The following PCDH11X variants were observed in gnomAD, a reference collection of about 807,000 sequenced individuals.
PCDH11X encodes the protein protocadherin-11 X-linked.
In PCDH11X, 18 loss-of-function variants were observed where a neutral mutation model predicts 53.3. The ratio of observed to expected loss-of-function variants is 0.34; its 90% CI spans 0.23 to 0.50. The LOEUF is 0.50. Ranked by LOEUF, PCDH11X falls within the 20% of genes least tolerant of loss-of-function variation. The pLI is 0.98. For synonymous variants in PCDH11X, 279 were observed against 393.3 expected, an observed-to-expected ratio of 0.71 and a Z score of 3.44; for missense variants, 570 against 1,032.4, an observed-to-expected ratio of 0.55 and a Z score of 6.14.
At chrX:91,970,962 C>T (rs777690468) in intron 6 of PCDH11X, among the ~76,000 whole-genome samples, 1 of 110,824 alleles carries the variant, frequency 9.0e-6, no homozygotes. Flanking sequence ...TCAACCATAG[C>T]GTCATGCAGA....
At chrX:92,592,402 G>A (rs2148798442) in intron 10 of PCDH11X, among the ~76,000 whole-genome samples, 1 of 110,267 alleles carries the variant, frequency 9.1e-6, no homozygotes, top group Non-Finnish European at 1.9e-5. Flanking sequence ...CCTTAGTAAT[G>A]GCTTACTGAT....
At chrX:91,853,220 G>C (rs1938132734) in intron 5 of PCDH11X, among the ~76,000 whole-genome samples, 1 of 111,343 alleles carries the variant, frequency 9.0e-6, no homozygotes, top group Admixed American at 9.6e-5. Context: ...AAACAGAGTA[G>C]CCTGAGGTGG....
chrX:92,186,628 CAAAAAAAAAAA>C (rs34913850), intron 6 of PCDH11X, among the ~76,000 whole-genome samples: 1 of 63,517 alleles, frequency 1.6e-5, no homozygotes, highest in Non-Finnish European at 2.7e-5. Context: ...AACTCCGTCT[CAAAAAAAAAAA>C]AAAAAAAAGA....
chrX:92,131,511 T>G (rs758505816), intron 6 of PCDH11X, among the ~76,000 whole-genome samples: 1 of 110,498 alleles, frequency 9.0e-6, no homozygotes, highest in East Asian at 2.9e-4. Flanking sequence ...AGGAAGAGAG[T>G]TTTATTTCTG....
At chrX:92,331,369 C>T (rs1175038281) in intron 8 of PCDH11X, among the ~76,000 whole-genome samples, 1 of 51,958 alleles carries the variant, frequency 1.9e-5, no homozygotes, top group Non-Finnish European at 3.1e-5. Context: ...CCTCCTCCTC[C>T]TTTTCCTCCT....
At chrX:91,931,887 A>G (rs1488885281) in intron 6 of PCDH11X, among the ~76,000 whole-genome samples, 3 of 111,033 alleles carry the variant, frequency 2.7e-5, no homozygotes, top group Non-Finnish European at 5.7e-5. Context: ...ACATACGTAA[A>G]TATGTGCCAT....
At chrX:91,832,452 T>C (rs1180638943) in intron 4 of PCDH11X, among the ~76,000 whole-genome samples, 2 of 88,299 alleles carry the variant, frequency 2.3e-5, no homozygotes, top group African/African-American at 8.6e-5. Flanking sequence ...ATGAGAACAC[T>C]TGGACACAGG....
At chrX:91,962,309 A>G (rs2061799287) in intron 6 of PCDH11X, among the ~76,000 whole-genome samples, 1 of 112,498 alleles carries the variant, frequency 8.9e-6, no homozygotes, top group South Asian at 3.6e-4. Context: ...AAATACATCC[A>G]TTCCAAATGG....
intron 7 of PCDH11X, among the ~76,000 whole-genome samples, chrX:92,213,924 TCTATC>T (rs2066638280): frequency 8.9e-6 from 1 of 112,178 alleles, no homozygotes; most frequent in African/African-American, 3.2e-5. Flanking sequence ...TGAATATACT[TCTATC>T]ATATGAATCA....
chrX:92,120,461 A>G lies in PCDH11X; in HGVS notation c.3034-80914A>G, dbSNP rs371126768. Among the ~76,000 whole-genome samples, 7 of 112,890 alleles carry G rather than the reference A, an allele frequency of 6.2e-5. No homozygotes were observed. In the South Asian group the frequency reaches 1.1e-3, roughly 17 times the overall value. ...GCGTGCGCCACCGCGCCTGGCCACC[A>G]TTTTCTAACTTTTCTAAGATGCGAA... is the stretch of plus-strand genomic sequence containing the variant. On this transcript the variant is annotated intron_variant, in intron 6 of 10. Transcript: ENST00000682573.
chrX:92,295,315 A>G (rs752516307), intron 8 of PCDH11X, among the ~76,000 whole-genome samples: 6 of 110,165 alleles, frequency 5.4e-5, no homozygotes, highest in Admixed American at 1.9e-4. Context: ...ACTGAATAAT[A>G]TAGTTGATTT....
At chrX:92,286,325 C>T (rs1324570690) in intron 8 of PCDH11X, among the ~76,000 whole-genome samples, 15 of 109,419 alleles carry the variant, frequency 1.4e-4, no homozygotes, top group Admixed American at 9.8e-5. Context: ...CAGCATTTCA[C>T]AGAAGATTCA....
intron 10 of PCDH11X, among the ~76,000 whole-genome samples, chrX:92,481,316 C>CCA (rs1377010728): frequency 9.2e-4 from 99 of 107,975 alleles, no homozygotes; most frequent in African/African-American, 2.9e-3. Context: ...CACACACACC[C>CCA]CACACACACA....
intron 4 of PCDH11X, among the ~76,000 whole-genome samples, chrX:91,816,180 T>G (rs754235650): frequency 7.3e-4 from 81 of 111,585 alleles, no homozygotes; most frequent in Non-Finnish European, 1.2e-3. Flanking sequence ...ATAAGTTTGT[T>G]TTATGTATAA....
intron 9 of PCDH11X, among the ~76,000 whole-genome samples, chrX:92,467,809 C>T (rs939759768): frequency 8.1e-5 from 9 of 111,253 alleles, no homozygotes; most frequent in African/African-American, 2.9e-4. Context: ...CATGCTAGTG[C>T]CTGCTGATTT....
intron 10 of PCDH11X, among the ~76,000 whole-genome samples, chrX:92,534,697 G>A (rs2074624108): frequency 9.0e-6 from 1 of 111,600 alleles, no homozygotes; most frequent in East Asian, 2.8e-4. Context: ...CAGACTAACA[G>A]CAGATCTCTC....
At chrX:92,435,468 T>C (rs1165880596) in intron 9 of PCDH11X, among the ~76,000 whole-genome samples, 1 of 110,123 alleles carries the variant, frequency 9.1e-6, no homozygotes. Context: ...AAGAAGATCA[T>C]CCCCAAGAAA....
intron 10 of PCDH11X, among the ~76,000 whole-genome samples, chrX:92,499,842 A>T (rs1490939606): frequency 9.4e-6 from 1 of 106,950 alleles, no homozygotes; most frequent in East Asian, 3.0e-4. Flanking sequence ...ATAAAAAAAG[A>T]AAGAATGAAT....
intron 6 of PCDH11X, among the ~76,000 whole-genome samples, chrX:91,946,565 A>C (rs1198610744): frequency 1.3e-5 from 1 of 74,591 alleles, no homozygotes; most frequent in African/African-American, 5.4e-5. Context: ...CCTCATATAT[A>C]TATATATATA....
Sources: allele counts gnomAD v4.1 joint callset (sites outside exome capture counted in the v4.1 genomes callset), GRCh38; gene constraint gnomAD v4.1.1; transcripts MANE v1.5; gene names NCBI Gene and HGNC (gene_info 2026-07-23, HGNC 2026-07-21).